PDE1C: variants seen among roughly 807,000 people sequenced by gnomAD.
PDE1C encodes dual specificity calcium/calmodulin-dependent 3',5'-cyclic nucleotide phosphodiesterase 1C.
Under a neutral mutation model 93.1 loss-of-function variants are expected in PDE1C, and 62 were observed. The observed-to-expected ratio is 0.67, with a 90% CI of 0.54 to 0.82. The LOEUF (loss-of-function observed/expected upper bound fraction) is 0.82. Among genes scored for constraint, PDE1C ranks in the 40% least tolerant of loss-of-function variants. The pLI is 0.00. For synonymous variants in PDE1C, 325 were observed against 310.1 expected (o/e 1.05, Z -0.50); for missense variants, 742 against 884.6 (o/e 0.84, Z 2.04).
the PDE1C span, chr7:31,697,012 C>T: frequency 6.8e-6 from 11 of 1,614,128 alleles, no homozygotes; most frequent in Admixed American, 1.2e-4. Context: ...TCAAGAGAGA[C>T]ATCCAAAGGG....
At chr7:31,651,091 T>C in the PDE1C span, 3 of 1,586,194 alleles carry the variant, frequency 1.9e-6, no homozygotes, top group Non-Finnish European at 2.6e-6. Context: ...GGTGAGCTCT[T>C]GCAGAGGATC....
intron 1 of PDE1C, among the ~76,000 whole-genome samples, chr7:32,270,360 G>T (rs147352418): frequency 6.6e-6 from 1 of 151,644 alleles, no homozygotes; most frequent in East Asian, 1.9e-4. Context: ...TCTGCAAGAG[G>T]TTATAAGGCC....
intron 1 of PDE1C, among the ~76,000 whole-genome samples, chr7:32,249,966 T>C (rs1224614727): frequency 1.3e-5 from 2 of 152,238 alleles, no homozygotes; most frequent in African/African-American, 4.8e-5. Context: ...TGCATTTCCC[T>C]TTAAATTATA....
chr7:31,899,022 C>T (rs1799645262), intron 2 of PDE1C, among the ~76,000 whole-genome samples: 1 of 152,068 alleles, frequency 6.6e-6, no homozygotes, highest in Non-Finnish European at 1.5e-5. Flanking sequence ...GCTCCCCTCC[C>T]TGCCTCTGTC....
At chr7:32,205,313 A>G (rs1239515612) in intron 2 of PDE1C, among the ~76,000 whole-genome samples, 4 of 152,224 alleles carry the variant, frequency 2.6e-5, no homozygotes, top group South Asian at 2.1e-4. Flanking sequence ...ATCCACAACA[A>G]CTTGGAAATA....
At chr7:31,732,260 C>T in the PDE1C span, among the ~76,000 whole-genome samples, 322 of 152,202 alleles carry the variant, frequency 2.1e-3, 2 homozygotes, top group African/African-American at 7.5e-3. Context: ...TTTTTGAGGG[C>T]TTCAGTCATT....
At chr7:31,639,858 A>G in the PDE1C span, among the ~76,000 whole-genome samples, 1 of 152,094 alleles carries the variant, frequency 6.6e-6, no homozygotes, top group African/African-American at 2.4e-5. Context: ...AAATGTTTTA[A>G]TGCTCTTTCT....
At chr7:31,666,913 C>A in the PDE1C span, among the ~76,000 whole-genome samples, 1 of 152,112 alleles carries the variant, frequency 6.6e-6, no homozygotes. Flanking sequence ...GAGAAACTGT[C>A]ATGACAAAAG....
At position 32,420,362 on chromosome 7, in the gene PDE1C, T is replaced by TATATATAC. The variant is rs1785400534; in HGVS notation, c.310+7459_310+7460insGTATATAT. Among the ~76,000 whole-genome samples the TATATATAC allele has an allele frequency of 2.4e-4, 5 of 21,100 alleles. 2 individuals carry two copies. Among genetic ancestry groups the TATATATAC allele is most frequent in the Non-Finnish European group, 1.9e-4 (2 of 10,288 alleles). The allele number at this position is 21,100 out of a possible 152,430, so 13.8% of individuals were successfully genotyped here. ...ATGTGTATATATATGTGTATATATA[T>TATATATAC]ATGTGTATATATATGTGTATATATA... On this transcript the variant is annotated intron_variant, in intron 1 of 1. Transcript: ENST00000672256.
At chr7:31,841,059 C>T (rs923878068) in intron 9 of PDE1C, among the ~76,000 whole-genome samples, 4 of 151,926 alleles carry the variant, frequency 2.6e-5, no homozygotes, top group African/African-American at 7.2e-5. Flanking sequence ...TTTAGTTCCT[C>T]TATAATCAGC....
In PDE1C at chr7:32,277,818, A is replaced by G. The variant is rs73306695; in HGVS notation, c.85+20833T>C. Among the ~76,000 whole-genome samples, 1,476 of 152,334 alleles carry G rather than the reference A, an allele frequency of 9.7e-3. 28 individuals are homozygous for G. Among genetic ancestry groups the G allele is most frequent in the African/African-American group, 0.034 (1,429 of 41,576 alleles). ...ATAACACTAATGTGGGTAAGAAGAG[A>G]CTTGATGGTAGCACAACACATTTGT... On this transcript the variant is annotated intron_variant, in intron 1 of 18. Transcript: ENST00000396193.
intron 1 of PDE1C, among the ~76,000 whole-genome samples, chr7:32,290,576 C>T (rs1174605877): frequency 3.3e-5 from 5 of 152,186 alleles, no homozygotes; most frequent in African/African-American, 1.2e-4. Flanking sequence ...ATCATTCCCC[C>T]AGCCACAGAG....
intron 1 of PDE1C, among the ~76,000 whole-genome samples, chr7:32,250,997 G>T (rs1809329584): frequency 6.6e-6 from 1 of 152,236 alleles, no homozygotes; most frequent in South Asian, 2.1e-4. Flanking sequence ...GATTAAGTCA[G>T]GAGCTCTAGT....
At chr7:32,113,349 G>A (rs1250885158) in intron 3 of PDE1C, among the ~76,000 whole-genome samples, 19 of 143,930 alleles carry the variant, frequency 1.3e-4, no homozygotes, top group African/African-American at 4.9e-4. Context: ...CTCAATTTCT[G>A]GGCTCTTTAT....
intron 1 of PDE1C, among the ~76,000 whole-genome samples, chr7:32,325,918 T>C (rs761315136): frequency 3.3e-5 from 5 of 152,146 alleles, no homozygotes; most frequent in African/African-American, 1.2e-4. Flanking sequence ...TAAGAAACGA[T>C]TGCAATCATT....
At chr7:32,323,960 C>T (rs1233305043) in intron 1 of PDE1C, among the ~76,000 whole-genome samples, 2 of 152,196 alleles carry the variant, frequency 1.3e-5, no homozygotes, top group African/African-American at 4.8e-5. Context: ...GAGCTTCCTT[C>T]AAGGTACATA....
At chr7:31,741,235 C>T in the PDE1C span, among the ~76,000 whole-genome samples, 1 of 151,824 alleles carries the variant, frequency 6.6e-6, no homozygotes. Flanking sequence ...AGTATTATTA[C>T]TTATGAGAAA....
the PDE1C span, among the ~76,000 whole-genome samples, chr7:31,703,210 A>G: frequency 6.6e-6 from 1 of 152,224 alleles, no homozygotes; most frequent in East Asian, 1.9e-4. Context: ...TTCTCTGTTC[A>G]ATCTTATATT....
chr7:32,133,153 A>G (rs1308690740), intron 3 of PDE1C, among the ~76,000 whole-genome samples: 1 of 152,218 alleles, frequency 6.6e-6, no homozygotes, highest in African/African-American at 2.4e-5. Context: ...AAGTAAAGAT[A>G]TAAATTTGGC....
Sources: gnomAD v4.1 joint callset for allele counts (sites outside exome capture counted in the v4.1 genomes callset) on GRCh38, gnomAD v4.1.1 for gene constraint, MANE v1.5 for transcripts, NCBI Gene and HGNC (gene_info 2026-07-23, HGNC 2026-07-21) for gene names.